AGBL1: variants seen among roughly 807,000 people sequenced by gnomAD.
The protein encoded by AGBL1 is cytosolic carboxypeptidase 4.
A neutral mutation model predicts 118.9 loss-of-function variants in AGBL1; 130 were observed. That is an observed-to-expected ratio of 1.09 (90% CI 0.95 to 1.26). The LOEUF (loss-of-function observed/expected upper bound fraction) is 1.26. AGBL1 is among the 50% of genes most tolerant of loss of function. AGBL1 has a pLI of 0.00. For missense variants in AGBL1, 1,584 were observed against 1,298.1 expected (o/e 1.22, Z -3.38); for synonymous variants, 555 against 478.9 (o/e 1.16, Z -2.08).
chr15:86,556,304 T>C, intron 21 of AGBL1: 2 of 1,600,986 alleles, frequency 1.2e-6, no homozygotes, highest in South Asian at 1.1e-5. Context: ...GCAGCATTTA[T>C]CTTGTGAAAT....
intron 17 of AGBL1, among the ~76,000 whole-genome samples, chr15:86,383,275 A>AT (rs1555476201): frequency 0.058 from 6,868 of 118,588 alleles, 570 homozygotes; most frequent in African/African-American, 0.12. Context: ...AAAAAAAAAA[A>AT]TCCTAATTGC....
At chr15:86,829,980 G>A (rs947846318) in intron 22 of AGBL1, among the ~76,000 whole-genome samples, 1 of 151,962 alleles carries the variant, frequency 6.6e-6, no homozygotes, top group Admixed American at 6.6e-5. Context: ...CCCCAGGAGG[G>A]TATTTAGTTC....
At chr15:86,999,495 C>G (rs12910305) in intron 24 of AGBL1, among the ~76,000 whole-genome samples, 80,402 of 139,252 alleles carry the variant, frequency 0.58, 24,822 homozygotes, top group South Asian at 0.73. Flanking sequence ...TCTTGTGATA[C>G]TTTAGTTTAC....
chr15:86,436,089 C>CTTTTTTTTTT (rs35296563), intron 18 of AGBL1, among the ~76,000 whole-genome samples: 1 of 111,542 alleles, frequency 9.0e-6, no homozygotes, highest in Non-Finnish European at 1.7e-5. Context: ...CCTTTCCTCT[C>CTTTTTTTTTT]TTTTTTTTTT....
intron 21 of AGBL1, among the ~76,000 whole-genome samples, chr15:86,598,845 C>T (rs1288968702): frequency 6.6e-6 from 1 of 152,116 alleles, no homozygotes; most frequent in Non-Finnish European, 1.5e-5. Flanking sequence ...TTAGGGTCAA[C>T]TGTTGAATTG....
intron 1 of AGBL1, among the ~76,000 whole-genome samples, chr15:86,115,233 C>A (rs1471822005): frequency 2.0e-5 from 3 of 152,104 alleles, no homozygotes; most frequent in African/African-American, 4.8e-5. Context: ...CAGGGGAGTA[C>A]CATAAAGTCA....
At chr15:86,515,894 G>T (rs1218325524) in intron 18 of AGBL1, among the ~76,000 whole-genome samples, 1 of 152,188 alleles carries the variant, frequency 6.6e-6, no homozygotes, top group Non-Finnish European at 1.5e-5. Context: ...TGCCCGAGGT[G>T]GTTGGGGCAT....
At chr15:86,304,439 T>C (rs1198841999) in intron 17 of AGBL1, among the ~76,000 whole-genome samples, 1 of 152,200 alleles carries the variant, frequency 6.6e-6, no homozygotes, top group African/African-American at 2.4e-5. Context: ...CCGAATCTCT[T>C]TATCACATGA....
chr15:86,875,510 A>T (rs1036980018), intron 22 of AGBL1, among the ~76,000 whole-genome samples: 1 of 152,206 alleles, frequency 6.6e-6, no homozygotes, highest in African/African-American at 2.4e-5. Context: ...TCAGTGTCTG[A>T]CTTGCATCTG....
At chr15:86,989,536 A>G (rs2081317827) in intron 24 of AGBL1, among the ~76,000 whole-genome samples, 1 of 152,112 alleles carries the variant, frequency 6.6e-6, no homozygotes, top group Non-Finnish European at 1.5e-5. Context: ...TGATTAAAAT[A>G]TTTTCTAAAA....
At chr15:86,253,879 A>T (rs544196170) in intron 7 of AGBL1, among the ~76,000 whole-genome samples, 118 of 152,176 alleles carry the variant, frequency 7.8e-4, no homozygotes, top group African/African-American at 2.8e-3. Flanking sequence ...AAAAATTGAA[A>T]CTCTATACCC....
intron 5 of AGBL1, among the ~76,000 whole-genome samples, chr15:86,175,936 G>A (rs772374146): frequency 3.5e-4 from 53 of 152,292 alleles, no homozygotes; most frequent in Middle Eastern, 6.8e-3. Flanking sequence ...TGTTCCATGT[G>A]CTGATGAGAG....
At chr15:86,386,780 C>T (rs1466325843) in intron 17 of AGBL1, among the ~76,000 whole-genome samples, 2 of 152,148 alleles carry the variant, frequency 1.3e-5, no homozygotes, top group African/African-American at 4.8e-5. Context: ...TATTGTCTCC[C>T]TTCTCCACTT....
chr15:86,081,668 A>G (rs1161466588), intron 1 of AGBL1, among the ~76,000 whole-genome samples: 2 of 152,232 alleles, frequency 1.3e-5, no homozygotes. Flanking sequence ...CAGGTACAAT[A>G]AGCTGACATT....
chr15:86,705,398 A>T (rs1335996857), intron 22 of AGBL1, among the ~76,000 whole-genome samples: 1 of 152,160 alleles, frequency 6.6e-6, no homozygotes, highest in Non-Finnish European at 1.5e-5. Context: ...TATTCCATGA[A>T]TTTGTGTTTC....
intron 18 of AGBL1, among the ~76,000 whole-genome samples, chr15:86,479,371 C>CA (rs560606473): frequency 2.8e-4 from 42 of 152,132 alleles, no homozygotes; most frequent in Admixed American, 4.6e-4. Flanking sequence ...ACAATGAACT[C>CA]AAACAAATTT....
In AGBL1 at chr15:86,744,510, C is replaced by T. The variant is rs115093873; in HGVS notation, c.3158+70074C>T. On this transcript the variant is annotated intron_variant, in intron 22 of 22. Coordinates refer to ENST00000614907, the MANE Select transcript of AGBL1 (RefSeq NM_001386094.1). Reference sequence around the variant, plus strand: ...AATATAAAGGGAATAAATCAAGGGACCTTTCAGGGAATCAGGGCAATAACA... The same window carrying T: ...AATATAAAGGGAATAAATCAAGGGATCTTTCAGGGAATCAGGGCAATAACA... Among the ~76,000 whole-genome samples, 850 of 152,154 alleles carry T rather than the reference C, an allele frequency of 5.6e-3. 4 individuals carry two copies. The highest frequency in any genetic ancestry group is 0.019 in the African/African-American group (808 of 41,520).
intron 24 of AGBL1, among the ~76,000 whole-genome samples, chr15:87,002,840 C>G (rs2081454667): frequency 6.6e-6 from 1 of 152,180 alleles, no homozygotes; most frequent in Non-Finnish European, 1.5e-5. Context: ...TATCCTGAGA[C>G]TTTGCTGAAG....
At chr15:86,985,434 G>A (rs1427872373) in intron 23 of AGBL1, among the ~76,000 whole-genome samples, 1 of 152,212 alleles carries the variant, frequency 6.6e-6, no homozygotes, top group African/African-American at 2.4e-5. Context: ...GTTTAGTAAT[G>A]TGTATGCAGT....
Sources: allele counts gnomAD v4.1 joint callset (sites outside exome capture counted in the v4.1 genomes callset), GRCh38; gene constraint gnomAD v4.1.1; transcripts MANE v1.5; gene names NCBI Gene and HGNC (gene_info 2026-07-23, HGNC 2026-07-21).